SLC4A8: variants seen among roughly 807,000 people sequenced by gnomAD.
SLC4A8 encodes solute carrier family 4 member 8, also known as electroneutral sodium bicarbonate exchanger 1.
SLC4A8 carries 40 observed loss-of-function variants against 125.0 expected under a neutral mutation model. The ratio of observed to expected loss-of-function variants is 0.32; its 90% confidence interval spans 0.25 to 0.42. The LOEUF is 0.42. SLC4A8 is among the 10% of genes least tolerant of loss of function. The pLI, the probability that SLC4A8 is intolerant of heterozygous loss-of-function variation, is 1.00. For missense variants in SLC4A8, 863 were observed against 1,355.1 expected (o/e 0.64, Z 5.70); for synonymous variants, 456 against 476.0 (o/e 0.96, Z 0.55).
chr12:51,412,615 C>A (rs1302452276), intron 1 of SLC4A8, among the ~76,000 whole-genome samples: 2 of 152,208 alleles, frequency 1.3e-5, no homozygotes, highest in African/African-American at 4.8e-5. Context: ...TGGTAACTAT[C>A]ATACTGCTCT....
rs958124157 is a variant in SLC4A8 at position 51,508,935 on chromosome 12, A to C, written c.*1497A>C. The C allele has an allele frequency of 6.5e-6, 1 of 152,700 alleles. No individual in the cohort carries two copies. The highest frequency in any genetic ancestry group is 2.1e-4 in the South Asian group (1 of 4,820). The allele number at this position is 152,700 out of a possible 1,614,324, so 9.5% of individuals were successfully genotyped here. On this transcript the variant is annotated 3_prime_UTR_variant, in exon 25 of 25. Coordinates refer to ENST00000453097, the MANE Select transcript of SLC4A8 (RefSeq NM_001039960.3). ...TGCATTCCTTAGACTTTTAAAATAT[A>C]CTAATGTATTCTAGTCTTACTCTAA...
intron 16 of SLC4A8, among the ~76,000 whole-genome samples, chr12:51,483,674 T>C (rs187925847): frequency 2.0e-5 from 3 of 152,308 alleles, no homozygotes; most frequent in Non-Finnish European, 1.5e-5. Flanking sequence ...TCAAGTGATA[T>C]TTTGTTCTCA....
At chr12:51,461,527 T>G in intron 9 of SLC4A8, 1 of 390,982 alleles carries the variant, frequency 2.6e-6, no homozygotes, top group South Asian at 4.7e-5. Flanking sequence ...GAAATCTTTT[T>G]CTGGGGAAAC....
At chr12:51,482,094 T>C (rs1003834067) in intron 16 of SLC4A8, among the ~76,000 whole-genome samples, 1 of 152,198 alleles carries the variant, frequency 6.6e-6, no homozygotes. Context: ...TTGCAGTATT[T>C]AATGTGGATA....
At chr12:51,466,223 CAAAG>C (rs1399144570) in intron 11 of SLC4A8, among the ~76,000 whole-genome samples, 1 of 152,094 alleles carries the variant, frequency 6.6e-6, no homozygotes, top group Non-Finnish European at 1.5e-5. Flanking sequence ...CCATAAGTAA[CAAAG>C]AAGGAAATAT....
intron 12 of SLC4A8, 144 bp downstream of exon 12, chr12:51,469,932 C>A: frequency 1.5e-6 from 1 of 684,206 alleles, no homozygotes. Flanking sequence ...CTTCTGACAT[C>A]ACACCAAAGA....
chr12:51,400,801 CAT>C (rs1177172320), intron 1 of SLC4A8, among the ~76,000 whole-genome samples: 2,803 of 71,022 alleles, frequency 0.039, 237 homozygotes, highest in Admixed American at 0.08. Flanking sequence ...CACACACACA[CAT>C]ATATAAACAT....
intron 17 of SLC4A8, among the ~76,000 whole-genome samples, chr12:51,486,723 G>T (rs1247530722): frequency 6.6e-6 from 1 of 152,170 alleles, no homozygotes; most frequent in African/African-American, 2.4e-5. Flanking sequence ...CAGGAATAAA[G>T]GCAGTCCCTG....
chr12:51,410,902 T>G (rs1163895436), intron 1 of SLC4A8, among the ~76,000 whole-genome samples: 1 of 145,890 alleles, frequency 6.9e-6, no homozygotes, highest in Non-Finnish European at 1.5e-5. Flanking sequence ...TGAGACAGGC[T>G]CTCACTTTGT....
rs751510502 is a variant in SLC4A8, at chr12:51,470,420, C to T, written c.1553C>T (p.Ser518Phe). ...GCAATTGAATCCTTGTTTGGAGCTT[C>T]CATGACTGGGATTGCTTATTCCTTG... ...ISAIESLFGA[S>F]MTGIAYSLFA... Residue 518 changes from serine (S) to phenylalanine (F), a missense_variant, in exon 13 of 25, where the codon TCC becomes TTC. By Grantham distance (155) the Ser-to-Phe change is radical. Transcript: ENST00000453097. 2 of 1,614,022 alleles carry T rather than the reference C, an allele frequency of 1.2e-6. No homozygotes were observed.
At position 51,507,449 on chromosome 12, in the gene SLC4A8, TG is replaced by T; in HGVS notation, c.*14del. 7.2e-7 allele frequency: 1 copy of T among 1,392,730 alleles called. No individual in the cohort carries two copies. The highest frequency in any genetic ancestry group is 2.1e-5 in the South Asian group (1 of 47,126). 86.3% of individuals were successfully genotyped at this position (1,392,730 alleles called of 1,614,324 possible). Reference sequence around the variant, plus strand: ...AGTCTCTTCAACTAAGAGTCTTTGCTGGGATGGAAGATTTGGGCCGTGTGGT... The same window carrying T: ...AGTCTCTTCAACTAAGAGTCTTTGCTGGATGGAAGATTTGGGCCGTGTGGT... On this transcript the variant is annotated 3_prime_UTR_variant, in exon 25 of 25. Transcript: ENST00000453097.
chr12:51,484,686 A>G (rs116195206), intron 16 of SLC4A8, among the ~76,000 whole-genome samples: 2 of 152,210 alleles, frequency 1.3e-5, no homozygotes, highest in Admixed American at 6.5e-5. Flanking sequence ...AGATTAAGGC[A>G]GGCACGGGTC....
At chr12:51,462,160 A>C (rs1382201915) in intron 9 of SLC4A8, 150 bp from the exon 10 acceptor site, 1 of 681,400 alleles carries the variant, frequency 1.5e-6, no homozygotes, top group East Asian at 2.6e-5. Flanking sequence ...TTATCCTTGC[A>C]CTTCTCTAAG....
intron 1 of SLC4A8, among the ~76,000 whole-genome samples, chr12:51,428,313 T>C (rs1028444703): frequency 2.0e-4 from 31 of 152,190 alleles, no homozygotes; most frequent in African/African-American, 6.5e-4. Flanking sequence ...TAGAAGCTTC[T>C]TGAGGGCAGG....
chr12:51,442,702 G>A (rs750130973), intron 2 of SLC4A8, among the ~76,000 whole-genome samples: 1 of 152,054 alleles, frequency 6.6e-6, no homozygotes, highest in South Asian at 2.1e-4. Context: ...AGCATTACAC[G>A]CAAATGGTGG....
chr12:51,431,536 A>AT (rs372324611), intron 1 of SLC4A8, among the ~76,000 whole-genome samples: 16 of 152,278 alleles, frequency 1.1e-4, no homozygotes, highest in African/African-American at 3.8e-4. Context: ...TGGGAAGCTC[A>AT]TGGGTATTCA....
At chr12:51,419,755 A>G (rs1354125882) in intron 1 of SLC4A8, among the ~76,000 whole-genome samples, 2 of 152,252 alleles carry the variant, frequency 1.3e-5, no homozygotes, top group African/African-American at 4.8e-5. Context: ...AAGAAGGCAG[A>G]AGTCAGGTTT....
At chr12:51,484,888 A>T (rs4578437) in intron 16 of SLC4A8, among the ~76,000 whole-genome samples, 1 of 151,782 alleles carries the variant, frequency 6.6e-6, no homozygotes, top group Non-Finnish European at 1.5e-5. Flanking sequence ...TCATCAGAGA[A>T]GAGCTCAAAG....
At chr12:51,504,646 AG>A (rs1938084897) in intron 23 of SLC4A8, among the ~76,000 whole-genome samples, 1 of 152,214 alleles carries the variant, frequency 6.6e-6, no homozygotes. Flanking sequence ...TCAGCCTAGT[AG>A]GCATGAAATC....
Sources: allele counts gnomAD v4.1 joint callset (sites outside exome capture counted in the v4.1 genomes callset), GRCh38; gene constraint gnomAD v4.1.1; transcripts MANE v1.5; gene names NCBI Gene and HGNC (gene_info 2026-07-23, HGNC 2026-07-21).